ARHGAP45: variants seen among roughly 807,000 people sequenced by gnomAD.
ARHGAP45 encodes rho GTPase-activating protein 45.
A neutral mutation model predicts 116.1 loss-of-function variants in ARHGAP45; 56 were observed. That is an observed-to-expected ratio of 0.48 (90% confidence interval 0.39 to 0.60). The LOEUF (loss-of-function observed/expected upper bound fraction) is 0.60, where lower values mean the gene tolerates loss of function less well. ARHGAP45 is among the 20% of genes least tolerant of loss of function. The probability of loss-of-function intolerance (pLI) is 0.00; values close to 1 mark genes in which losing one functional copy is unlikely to be tolerated. For synonymous variants in ARHGAP45, 866 were observed against 701.7 expected (o/e 1.23, Z -3.70); for missense variants, 1,622 against 1,601.0 (o/e 1.01, Z -0.22).
At chr19:1,075,105 C>T (rs1001254584) in intron 10 of ARHGAP45, among the ~76,000 whole-genome samples, 6 of 151,852 alleles carry the variant, frequency 4.0e-5, no homozygotes, top group Admixed American at 1.3e-4. Context: ...CCCAGGAGCC[C>T]GGCGCTCACT....
chr19:1,082,308 T>A (rs1396037325), intron 19 of ARHGAP45, among the ~76,000 whole-genome samples: 2 of 141,862 alleles, frequency 1.4e-5, no homozygotes, highest in African/African-American at 2.7e-5. Flanking sequence ...CGGTGGGGCG[T>A]GGCCAGAGCA....
chr19:1,085,519 CCTGT>C (rs1438608396), intron 22 of ARHGAP45, 137 bp from the exon 23 acceptor site: 2 of 633,412 alleles, frequency 3.2e-6, no homozygotes, highest in East Asian at 5.5e-5. Context: ...CTCCATCTCT[CCTGT>C]CTCTCCCCAT....
chr19:1,081,185 T>C, intron 17 of ARHGAP45, 121 bp downstream of exon 17: 1 of 1,170,142 alleles, frequency 8.5e-7, no homozygotes, highest in East Asian at 2.6e-5. Flanking sequence ...CGGACGCCTT[T>C]GGAAGGAAGC....
intron 10 of ARHGAP45, 28 bp downstream of exon 10, chr19:1,074,907 G>T: frequency 8.2e-7 from 1 of 1,226,274 alleles, no homozygotes; most frequent in South Asian, 1.4e-5. Flanking sequence ...GGGCGGGCGG[G>T]GGCGGGCAGC....
rs749062590 is a variant in ARHGAP45, at chr19:1,086,047, C to T, written c.*41C>T. 6.6e-7 allele frequency: 1 copy of T among 1,520,986 alleles called. No individual in the cohort carries two copies. The allele number at this position is 1,520,986 out of a possible 1,614,324, so 94.2% of individuals were successfully genotyped here. ...GGACCACAGGTGGCTTCTCTCTTGCCTGCTCCTGTCCCTCCAGCACGTCCC... is the reference window on the plus strand; with the variant it reads ...GGACCACAGGTGGCTTCTCTCTTGCTTGCTCCTGTCCCTCCAGCACGTCCC... On this transcript the variant is annotated 3_prime_UTR_variant, in exon 23 of 23. Coordinates refer to ENST00000313093, the MANE Select transcript of ARHGAP45 (RefSeq NM_012292.5).
chr19:1,078,497 G>A (rs987120271), intron 11 of ARHGAP45, among the ~76,000 whole-genome samples: 6 of 145,386 alleles, frequency 4.1e-5, no homozygotes, highest in African/African-American at 1.5e-4. Flanking sequence ...GAGTGCAGTG[G>A]TGAGATCTCA....
At chr19:1,072,250 G>C (rs1004189763) in intron 2 of ARHGAP45, among the ~76,000 whole-genome samples, 1 of 151,996 alleles carries the variant, frequency 6.6e-6, no homozygotes, top group Non-Finnish European at 1.5e-5. Flanking sequence ...AGTAGAGGCA[G>C]GGTTTCGCCA....
Position 1,081,787 on chromosome 19 carries a change from G to A in ARHGAP45, c.2380-37G>A, listed in dbSNP as rs755565266. ...CACAGCGAGGAGGCGGGAGTGGGCC[G>A]AGGCTGATGGGCCTCCCCACCCCCG... On this transcript the variant is annotated intron_variant, in intron 18 of 22. Coordinates refer to ENST00000313093, the MANE Select transcript of ARHGAP45 (RefSeq NM_012292.5). 23 of 1,582,232 alleles carry A rather than the reference G, an allele frequency of 1.5e-5. No individual in the cohort carries two copies. In the East Asian group the frequency reaches 4.6e-4, roughly 32 times the overall value.
chr19:1,081,661 C>A lies in ARHGAP45; in HGVS notation c.2302C>A (p.Arg768Ser). 6.3e-7 allele frequency: 1 copy of A among 1,583,278 alleles called. No individual in the cohort carries two copies. Among genetic ancestry groups the A allele is most frequent in the South Asian group, 1.1e-5 (1 of 87,508 alleles). Residue 768 changes from arginine (R) to serine (S), a missense_variant, in exon 18 of 23, where the codon CGC becomes AGC. Around this residue, in one of 3 missense-constraint regions of ARHGAP45, gnomAD observed 1,334 missense variants for 1,263.8 expected, o/e 1.06. Coordinates refer to ENST00000313093, the MANE Select transcript of ARHGAP45 (RefSeq NM_012292.5). ...LFGQDFSHAA[R>S]SAPDGVPFIV... Reference sequence around the variant, plus strand: ...CGGCCAGGACTTCAGCCACGCGGCCCGCAGCGCCCCCGACGGCGTGCCCTT... The same window carrying A: ...CGGCCAGGACTTCAGCCACGCGGCCAGCAGCGCCCCCGACGGCGTGCCCTT...
intron 5 of ARHGAP45, 30 bp from the exon 6 acceptor site, chr19:1,073,918 G>A: frequency 6.5e-7 from 1 of 1,535,794 alleles, no homozygotes. Context: ...CCCGCATGGG[G>A]CTGGTCTCAC....
chr19:1,066,081 C>G, upstream of ARHGAP45: 1 of 1,535,686 alleles, frequency 6.5e-7, no homozygotes, highest in Non-Finnish European at 8.7e-7. Context: ...TGCACTTGGA[C>G]CTGGGCCTGG....
At position 1,084,332 on chromosome 19, in the gene ARHGAP45, C is replaced by A. The variant is rs781150380; in HGVS notation, c.3050C>A (p.Ala1017Glu). 2.5e-5 allele frequency: 40 copies of A among 1,609,482 alleles called. No homozygotes were observed. Among genetic ancestry groups the A allele is most frequent in the African/African-American group, 5.4e-5 (4 of 74,684 alleles). Residue 1017 changes from alanine (A) to glutamate (E), a missense_variant, in exon 22 of 23, where the codon GCG (alanine) becomes GAG (glutamate). This residue lies in a region of ARHGAP45 where 1,334 missense variants were observed against 1,263.8 expected (regional missense o/e 1.06). Coordinates refer to ENST00000313093, the MANE Select transcript of ARHGAP45 (RefSeq NM_012292.5). ...AVVYPLQEAA[A>E]DGCRESRVVS... The stretch of plus-strand genomic sequence containing the variant: ...GTCTACCCGCTGCAGGAGGCGGCGG[C>A]GGACGGGTGCAGAGGTGAGTGTGTG...
intron 3 of ARHGAP45, 44 bp downstream of exon 3, chr19:1,073,336 G>C: frequency 6.2e-7 from 1 of 1,605,238 alleles, no homozygotes; most frequent in South Asian, 1.1e-5. Flanking sequence ...CTGCCTAGAA[G>C]GGCATCCTGG....
In ARHGAP45 at chr19:1,069,568, T is replaced by A. The variant is rs1310660523; in HGVS notation, c.421+824T>A. On this transcript the variant is annotated intron_variant, in intron 2 of 22. Coordinates refer to ENST00000313093, the MANE Select transcript of ARHGAP45 (RefSeq NM_012292.5). This position sits in a 1 kb window ranked among gnomAD's most constrained non-coding sequence, Gnocchi z 4.1. Reference sequence around the variant, plus strand: ...AGCCAGGGCAGGGCAGAGCCAGGACTGGACCTCAAGTGGTGGAGTGGCCTC... The same window carrying A: ...AGCCAGGGCAGGGCAGAGCCAGGACAGGACCTCAAGTGGTGGAGTGGCCTC... 6.6e-6 allele frequency among the ~76,000 whole-genome samples: 1 copy of A among 152,314 alleles called. No individual in the cohort carries two copies. Among genetic ancestry groups the A allele is most frequent in the East Asian group, 1.9e-4 (1 of 5,180 alleles).
Position 1,083,162 on chromosome 19 carries a change from GACA to G in ARHGAP45, c.2769_2771del (p.Asn923del), listed in dbSNP as rs1328295703. 4 of 1,609,858 alleles carry G rather than the reference GACA, an allele frequency of 2.5e-6. No individual in the cohort carries two copies. The highest frequency in any genetic ancestry group is 1.7e-5 in the Admixed American group (1 of 59,862). On this transcript the variant is annotated inframe_deletion, in exon 21 of 23. Transcript: ENST00000313093. ...CCGCAGGATCGTGGAGGTGGAGCAG[GACA>G]ACAAGATGACCCCCGGGAACCTGGG...
rs2043054039 is a variant in ARHGAP45 at position 1,067,300 on chromosome 19, G to A, written c.-106G>A. ...GCCTGTCACGTGGGCCTGACAGCTG[G>A]GGAGGGGGTGGCCGGCGACAATGTG... On this transcript the variant is annotated 5_prime_UTR_variant, in exon 1 of 23. Coordinates refer to ENST00000313093, the MANE Select transcript of ARHGAP45 (RefSeq NM_012292.5). 1 of 1,427,956 alleles carries A rather than the reference G, an allele frequency of 7.0e-7. No individual in the cohort carries two copies. Among genetic ancestry groups the A allele is most frequent in the South Asian group, 1.5e-5 (1 of 64,702 alleles). The allele number at this position is 1,427,956 out of a possible 1,614,324, so 88.5% of individuals were successfully genotyped here.
chr19:1,071,504 GGTCGC>G lies in ARHGAP45; in HGVS notation c.422-1643_422-1639del. Reference sequence around the variant, plus strand: ...CCTGGGCATCCCTGCGCTGCGCAGGGGTCGCGCCGGCCGCCGGCTTCCCGGGTAGG... The same window carrying G: ...CCTGGGCATCCCTGCGCTGCGCAGGGGCCGGCCGCCGGCTTCCCGGGTAGG... On this transcript the variant is annotated intron_variant, in intron 2 of 22. Coordinates refer to ENST00000313093, the MANE Select transcript of ARHGAP45 (RefSeq NM_012292.5). This position sits in a 1 kb window ranked among gnomAD's most constrained non-coding sequence, Gnocchi z 4.6. The G allele has an allele frequency of 1.7e-6, 1 of 578,304 alleles. No homozygotes were observed. Among genetic ancestry groups the G allele is most frequent in the East Asian group, 1.2e-4 (1 of 8,338 alleles). The allele number at this position is 578,304 out of a possible 1,614,324, so 35.8% of individuals were successfully genotyped here. A position where few individuals can be genotyped will look rare whatever the true frequency, so the allele number is the denominator to read the frequency against.
chr19:1,074,208 C>T lies in ARHGAP45; in HGVS notation c.895C>T (p.Leu299Phe), dbSNP rs768791124. ...GAACATGGCCAAGTACATGAAGGAC[C>T]TCATCAGCTACCTGGAGAAGCGGAC... ...AKNMAKYMKD[L>F]ISYLEKRTTL... Residue 299 changes from leucine to phenylalanine, a missense_variant, in exon 7 of 23, where the codon CTC becomes TTC. Around this residue, in one of 3 missense-constraint regions of ARHGAP45, gnomAD observed 1,334 missense variants for 1,263.8 expected, o/e 1.06. Coordinates refer to ENST00000313093, the MANE Select transcript of ARHGAP45 (RefSeq NM_012292.5). 7 of 1,613,440 alleles carry T rather than the reference C, an allele frequency of 4.3e-6. No homozygotes were observed. The highest frequency in any genetic ancestry group is 4.2e-6 in the Non-Finnish European group (5 of 1,180,008).
In ARHGAP45 at chr19:1,068,634, C is replaced by T. The variant is rs1319283445; in HGVS notation, c.311C>T (p.Pro104Leu). The T allele has an allele frequency of 1.2e-6, 2 of 1,612,132 alleles. No homozygotes were observed. Among genetic ancestry groups the T allele is most frequent in the Non-Finnish European group, 1.7e-6 (2 of 1,179,768 alleles). Residue 104 changes from proline to leucine, a missense_variant, in exon 2 of 23, where the codon CCC becomes CTC. Physicochemically the swap from Pro to Leu is moderately conservative, Grantham distance 98. Around this residue, in one of 3 missense-constraint regions of ARHGAP45, gnomAD observed 279 missense variants for 311.9 expected, o/e 0.89. Transcript: ENST00000313093. This position sits in a 1 kb window ranked among gnomAD's most constrained non-coding sequence, Gnocchi z 7.5. The stretch of plus-strand genomic sequence containing the variant: ...ACAGCCGCCAGCCCGGGCGAGCTGC[C>T]CACCGAGGGTGCCGGCCCGGACGTC... ...PLTAASPGELPTEGAGPDVVE... is the reference protein window; with the variant it reads ...PLTAASPGELLTEGAGPDVVE...
Sources: gnomAD v4.1 joint callset for allele counts (sites outside exome capture counted in the v4.1 genomes callset) on GRCh38, gnomAD v4.1.1 for gene constraint, gnomAD v4.1.1 regional missense constraint, Gnocchi (gnomAD v3.1) non-coding constraint, MANE v1.5 for transcripts, NCBI Gene and HGNC (gene_info 2026-07-23, HGNC 2026-07-21) for gene names.